The following LRP12 variants were observed in gnomAD, a reference collection of about 807,000 sequenced individuals.
LRP12 encodes the protein low-density lipoprotein receptor-related protein 12.
In LRP12, 14 loss-of-function variants were observed where a neutral mutation model predicts 66.0. The ratio of observed to expected loss-of-function variants is 0.21; its 90% CI spans 0.14 to 0.33. The LOEUF is 0.33. Among genes scored for constraint, LRP12 ranks in the 10% least tolerant of loss-of-function variants. LRP12 has a pLI of 1.00. For missense variants in LRP12, 889 were observed against 1,053.4 expected (o/e 0.84, Z 2.16); for synonymous variants, 357 against 359.1 (o/e 0.99, Z 0.07).
At chr8:104,547,351 ATATTTTGTATATAATATACAATTCTGT>A (rs147973135) in intron 1 of LRP12, among the ~76,000 whole-genome samples, 11,464 of 135,500 alleles carry the variant, frequency 0.085, 1,018 homozygotes, top group African/African-American at 0.16. Context: ...CAATTCTGTT[ATATTTTGTATATAATATACAATTCTGT>A]TATATTTTGT....
intron 1 of LRP12, among the ~76,000 whole-genome samples, chr8:104,584,889 A>C (rs926309254): frequency 6.6e-6 from 1 of 152,202 alleles, no homozygotes; most frequent in Non-Finnish European, 1.5e-5. Context: ...CTAAAATTGG[A>C]ATTTCTTGTC....
chr8:104,528,102 G>T (rs2140859650), intron 2 of LRP12, among the ~76,000 whole-genome samples: 1 of 152,266 alleles, frequency 6.6e-6, no homozygotes, highest in South Asian at 2.1e-4. Context: ...CTTTCAAAGT[G>T]TCCTGATTTG....
chr8:104,572,860 A>G (rs1217804315), intron 1 of LRP12, among the ~76,000 whole-genome samples: 4 of 152,144 alleles, frequency 2.6e-5, no homozygotes, highest in African/African-American at 9.7e-5. Context: ...CATAATTTCT[A>G]TTTATCGTAG....
chr8:104,542,569 G>T (rs1426118791), intron 1 of LRP12, among the ~76,000 whole-genome samples: 2 of 152,044 alleles, frequency 1.3e-5, no homozygotes, highest in Non-Finnish European at 2.9e-5. Flanking sequence ...TAATTATACA[G>T]TTGACCCCTG....
At chr8:104,535,877 T>C (rs776210199) in intron 1 of LRP12, among the ~76,000 whole-genome samples, 8 of 152,058 alleles carry the variant, frequency 5.3e-5, no homozygotes, top group Non-Finnish European at 7.4e-5. Flanking sequence ...GTAAAAGAAA[T>C]AGTGCTTAGC....
chr8:104,572,601 G>GA, intron 1 of LRP12, among the ~76,000 whole-genome samples: 1 of 152,182 alleles, frequency 6.6e-6, no homozygotes, highest in Non-Finnish European at 1.5e-5. Flanking sequence ...TGACAGACAA[G>GA]AGACAGATGG....
At chr8:104,538,948 G>A (rs965390681) in intron 1 of LRP12, among the ~76,000 whole-genome samples, 2 of 151,960 alleles carry the variant, frequency 1.3e-5, no homozygotes, top group Non-Finnish European at 2.9e-5. Flanking sequence ...CCAGTTTACT[G>A]AAAAAGCAAA....
At chr8:104,579,075 G>A (rs1228594331) in intron 1 of LRP12, among the ~76,000 whole-genome samples, 3 of 152,022 alleles carry the variant, frequency 2.0e-5, no homozygotes, top group African/African-American at 7.3e-5. Flanking sequence ...TGGAAGTCTC[G>A]GTTAGGGTAA....
intron 2 of LRP12, 121 bp downstream of exon 2, chr8:104,531,786 A>G: frequency 1.5e-6 from 1 of 677,184 alleles, no homozygotes; most frequent in Non-Finnish European, 2.6e-6. Context: ...TCCTTATTAC[A>G]TGCTGCAAAA....
chr8:104,577,343 A>G (rs1812179877), intron 1 of LRP12, among the ~76,000 whole-genome samples: 1 of 152,252 alleles, frequency 6.6e-6, no homozygotes, highest in Non-Finnish European at 1.5e-5. Flanking sequence ...AACACTCCTC[A>G]GCAAATACAA....
intron 1 of LRP12, chr8:104,566,086 A>C (rs1811999357): frequency 4.0e-6 from 1 of 247,802 alleles, no homozygotes; most frequent in Admixed American, 5.6e-5. Context: ...TGGCACTGTC[A>C]TAGTGGGTGT....
intron 1 of LRP12, among the ~76,000 whole-genome samples, chr8:104,583,864 A>C (rs1812291749): frequency 1.3e-5 from 2 of 152,318 alleles, no homozygotes; most frequent in Non-Finnish European, 2.9e-5. Flanking sequence ...GCATCTTTCA[A>C]TGTAAGTATT....
rs766978948 is a variant in LRP12, at chr8:104,491,233, GAGCTGCAACCC to G, written c.2009_2019del (p.Gly670AlafsTer34). On this transcript the variant is annotated frameshift_variant, in exon 7 of 7. Coordinates refer to ENST00000276654, the MANE Select transcript of LRP12 (RefSeq NM_013437.5). LOFTEE classifies it high-confidence loss of function. Reference sequence around the variant, plus strand: ...GTGGGAGGGACTTTTTGAGGCAAAGGAGCTGCAACCCCACCAGATGCTCCTGCCATATCTCT... The same window carrying G: ...GTGGGAGGGACTTTTTGAGGCAAAGGCACCAGATGCTCCTGCCATATCTCT... 6.2e-7 allele frequency: 1 copy of G among 1,613,966 alleles called. No homozygotes were observed. The highest frequency in any genetic ancestry group is 1.1e-5 in the South Asian group (1 of 91,058).
chr8:104,500,638 G>A (rs1490673896), intron 3 of LRP12, among the ~76,000 whole-genome samples: 1 of 152,208 alleles, frequency 6.6e-6, no homozygotes, highest in Non-Finnish European at 1.5e-5. Flanking sequence ...GGGAGACAGA[G>A]TTTGCAGTAA....
chr8:104,516,756 AGAGG>A (rs1383039399), intron 2 of LRP12, among the ~76,000 whole-genome samples: 4 of 152,134 alleles, frequency 2.6e-5, no homozygotes, highest in African/African-American at 9.6e-5. Flanking sequence ...GACACATGAA[AGAGG>A]GAGGATCACT....
intron 2 of LRP12, among the ~76,000 whole-genome samples, chr8:104,517,311 T>C (rs1811084492): frequency 6.6e-6 from 1 of 151,606 alleles, no homozygotes; most frequent in Admixed American, 6.6e-5. Context: ...AAACCTATAT[T>C]ATACAAGTAT....
chr8:104,522,088 T>G (rs1564135009), intron 2 of LRP12, among the ~76,000 whole-genome samples: 2 of 152,026 alleles, frequency 1.3e-5, no homozygotes, highest in African/African-American at 2.4e-5. Context: ...TCAGACTAGA[T>G]GTTCTTCCAG....
chr8:104,577,424 C>T (rs1030758173), intron 1 of LRP12, among the ~76,000 whole-genome samples: 1 of 152,134 alleles, frequency 6.6e-6, no homozygotes, highest in African/African-American at 2.4e-5. Flanking sequence ...GACTAAGAGA[C>T]TCACTAAAAA....
chr8:104,493,819 C>T (rs761127601), intron 6 of LRP12, among the ~76,000 whole-genome samples: 1 of 152,232 alleles, frequency 6.6e-6, no homozygotes, highest in Non-Finnish European at 1.5e-5. Flanking sequence ...CAGTAATGCC[C>T]TCCTGCCTCT....
Sources: gnomAD v4.1 joint callset for allele counts (sites outside exome capture counted in the v4.1 genomes callset) on GRCh38, gnomAD v4.1.1 for gene constraint, MANE v1.5 for transcripts, NCBI Gene and HGNC (gene_info 2026-07-23, HGNC 2026-07-21) for gene names.